EHMT1: variants seen among roughly 807,000 people sequenced by gnomAD.
The protein encoded by EHMT1 is histone-lysine N-methyltransferase EHMT1.
A neutral mutation model predicts 147.2 loss-of-function variants in EHMT1; 15 were observed. That is an observed-to-expected ratio of 0.10 (90% CI 0.07 to 0.16). The LOEUF (loss-of-function observed/expected upper bound fraction) is 0.16. EHMT1 is among the 10% of genes least tolerant of loss of function. The pLI is 1.00. For synonymous variants in EHMT1, 795 were observed against 709.6 expected, an observed-to-expected ratio of 1.12 and a Z score of -1.91; for missense variants, 1,587 against 1,772.4, an observed-to-expected ratio of 0.90 and a Z score of 1.88.
chr9:137,832,942 A>G (rs990069705), intron 25 of EHMT1: 1 of 152,284 alleles, frequency 6.6e-6, no homozygotes, highest in Non-Finnish European at 1.5e-5. Context: ...AGTCCACGCC[A>G]GGTGAGCCAC....
At chr9:137,704,237 C>G (rs530900824) in intron 1 of EHMT1, among the ~76,000 whole-genome samples, 1 of 152,274 alleles carries the variant, frequency 6.6e-6, no homozygotes, top group South Asian at 2.1e-4. Flanking sequence ...AACCATATCA[C>G]TATGTGTCTG....
intron 1 of EHMT1, chr9:137,641,359 G>A (rs1844469722): frequency 4.0e-6 from 2 of 502,100 alleles, no homozygotes; most frequent in Admixed American, 4.6e-5. Context: ...TTGAAGTAAG[G>A]ATTTTCGTCA....
At chr9:137,814,675 C>T in intron 22 of EHMT1, 167 bp downstream of exon 22, 1 of 755,110 alleles carries the variant, frequency 1.3e-6, no homozygotes, top group South Asian at 1.5e-5. Flanking sequence ...GCACCAGCAC[C>T]CGAGTCAGGG....
chr9:137,735,544 A>G (rs1236918500), intron 4 of EHMT1, among the ~76,000 whole-genome samples: 1 of 152,214 alleles, frequency 6.6e-6, no homozygotes, highest in East Asian at 1.9e-4. Flanking sequence ...GTAAATCCTC[A>G]TCAATAGTTG....
chr9:137,716,052 G>A (rs1340349151), intron 2 of EHMT1, among the ~76,000 whole-genome samples: 1 of 145,292 alleles, frequency 6.9e-6, no homozygotes, highest in Non-Finnish European at 1.5e-5. Flanking sequence ...TTGTGTTGGT[G>A]TCATGGTGGG....
At chr9:137,628,867 C>T (rs918092146) in intron 1 of EHMT1, among the ~76,000 whole-genome samples, 1 of 152,136 alleles carries the variant, frequency 6.6e-6, no homozygotes, top group South Asian at 2.1e-4. Context: ...CTGTCATGTG[C>T]TGAAAGAGCT....
chr9:137,738,325 A>G (rs1947739271), intron 4 of EHMT1, among the ~76,000 whole-genome samples: 1 of 152,230 alleles, frequency 6.6e-6, no homozygotes, highest in Non-Finnish European at 1.5e-5. Flanking sequence ...GTCACTAATC[A>G]TAAGGTAAAT....
At chr9:137,805,963 G>A (rs545339857) in intron 18 of EHMT1, among the ~76,000 whole-genome samples, 1 of 150,462 alleles carries the variant, frequency 6.6e-6, no homozygotes, top group Non-Finnish European at 1.5e-5. Flanking sequence ...GCCCGGCCTG[G>A]TTTTTTCTTT....
intron 9 of EHMT1, among the ~76,000 whole-genome samples, chr9:137,761,198 T>G (rs924590308): frequency 3.3e-5 from 5 of 152,182 alleles, no homozygotes; most frequent in Admixed American, 2.6e-4. Flanking sequence ...ATGACGCAGT[T>G]TCCTCGTTTG....
chr9:137,626,312 T>C (rs530330460), intron 1 of EHMT1, among the ~76,000 whole-genome samples: 1 of 151,956 alleles, frequency 6.6e-6, no homozygotes, highest in Non-Finnish European at 1.5e-5. Flanking sequence ...AAAAACTATT[T>C]AAAAAATGTC....
chr9:137,744,459 C>T (rs1234767182), intron 6 of EHMT1, among the ~76,000 whole-genome samples: 3 of 152,184 alleles, frequency 2.0e-5, no homozygotes, highest in African/African-American at 7.2e-5. Context: ...GCTGGGACCA[C>T]AGGCTCACGC....
chr9:137,676,093 T>A (rs1288763628), intron 1 of EHMT1: 1 of 147,782 alleles, frequency 6.8e-6, no homozygotes, highest in African/African-American at 2.5e-5. Context: ...CTAATTTTTT[T>A]ATTTTTAGTA....
chr9:137,712,178 T>C (rs1944799017), intron 2 of EHMT1, among the ~76,000 whole-genome samples: 1 of 152,224 alleles, frequency 6.6e-6, no homozygotes, highest in Admixed American at 6.5e-5. Context: ...TTTCTTCTGT[T>C]GGCTCCAGTG....
At chr9:137,799,962 C>T (rs1039032052) in intron 17 of EHMT1, among the ~76,000 whole-genome samples, 2 of 152,188 alleles carry the variant, frequency 1.3e-5, no homozygotes, top group African/African-American at 4.8e-5. Flanking sequence ...GCTGTCCCTG[C>T]TGTGTTCCCA....
chr9:137,761,829 T>G (rs1949847026), intron 9 of EHMT1, among the ~76,000 whole-genome samples: 1 of 152,252 alleles, frequency 6.6e-6, no homozygotes, highest in Admixed American at 6.5e-5. Flanking sequence ...CTATTTCTGC[T>G]TTGACTGTTT....
rs1432778403 is a variant in EHMT1 at position 137,777,135 on chromosome 9, T to A, written c.2018+291T>A. ...GTTTCTGTTGATGGCACAGTCCTGT[T>A]GGTACACAAGCGATAGACGAGTGGT... is the stretch of plus-strand genomic sequence containing the variant. On this transcript the variant is annotated intron_variant, in intron 12 of 26. Coordinates refer to ENST00000460843, the MANE Select transcript of EHMT1 (RefSeq NM_024757.5). The A allele has an allele frequency of 7.2e-6, 3 of 416,524 alleles. No individual in the cohort carries two copies. In the East Asian group the frequency reaches 1.5e-4, roughly 21 times the overall value. The allele number at this position is 416,524 out of a possible 1,614,324, so 25.8% of individuals were successfully genotyped here.
In EHMT1 at chr9:137,814,525, G is replaced by T; in HGVS notation, c.3258+17G>T. The T allele has an allele frequency of 6.2e-7, 1 of 1,603,000 alleles. No individual in the cohort carries two copies. Among genetic ancestry groups the T allele is most frequent in the Non-Finnish European group, 8.5e-7 (1 of 1,179,932 alleles). On this transcript the variant is annotated intron_variant, in intron 22 of 26. Coordinates refer to ENST00000460843, the MANE Select transcript of EHMT1 (RefSeq NM_024757.5). ...TACGACAAGGTGAGGGCGGCCTCGT[G>T]TGCGTGGGCTCAGGTGGTAAGTGCC...
At chr9:137,644,415 C>G (rs915830987) in intron 1 of EHMT1, among the ~76,000 whole-genome samples, 6 of 151,712 alleles carry the variant, frequency 4.0e-5, no homozygotes, top group Admixed American at 1.3e-4. Flanking sequence ...ACCTCTGCCT[C>G]CCGGGTTCAA....
chr9:137,801,043 C>A, intron 18 of EHMT1, 59 bp downstream of exon 18: 2 of 1,489,668 alleles, frequency 1.3e-6, no homozygotes, highest in Non-Finnish European at 1.9e-6. Flanking sequence ...ACCTCCTCCC[C>A]CAGAAGGTTC....
Sources: gnomAD v4.1 joint callset for allele counts (sites outside exome capture counted in the v4.1 genomes callset) on GRCh38, gnomAD v4.1.1 for gene constraint, MANE v1.5 for transcripts, NCBI Gene and HGNC (gene_info 2026-07-23, HGNC 2026-07-21) for gene names.